FBXW7: variants seen among roughly 807,000 people sequenced by gnomAD.
FBXW7 encodes F-box/WD repeat-containing protein 7.
FBXW7 carries 11 observed loss-of-function variants against 86.3 expected under a neutral mutation model. The observed-to-expected ratio is 0.13, with a 90% CI of 0.08 to 0.21. The LOEUF is 0.21. Ranked by LOEUF, FBXW7 falls within the 10% of genes least tolerant of loss-of-function variation. The pLI is 1.00. For synonymous variants in FBXW7, 313 were observed against 297.9 expected (o/e 1.05, Z -0.52); for missense variants, 488 against 847.4 (o/e 0.58, Z 5.27).
chr4:152,343,419 T>C (rs1730931785), intron 6 of FBXW7, among the ~76,000 whole-genome samples: 1 of 152,164 alleles, frequency 6.6e-6, no homozygotes, highest in South Asian at 2.1e-4. Context: ...TATTTCCAAG[T>C]ATAACTTTAA....
intron 2 of FBXW7, among the ~76,000 whole-genome samples, chr4:152,435,860 T>C (rs1408274711): frequency 3.3e-5 from 5 of 152,216 alleles, no homozygotes; most frequent in East Asian, 3.8e-4. Context: ...TTGCAGTATT[T>C]CAAACTTTTT....
chr4:152,491,896 A>G (rs1235527714), intron 2 of FBXW7, among the ~76,000 whole-genome samples: 1 of 152,146 alleles, frequency 6.6e-6, no homozygotes, highest in African/African-American at 2.4e-5. Context: ...AAACTTGTTT[A>G]TTTTATCTAA....
chr4:152,341,020 T>G (rs1257293162), intron 6 of FBXW7, among the ~76,000 whole-genome samples: 1 of 152,174 alleles, frequency 6.6e-6, no homozygotes, highest in Non-Finnish European at 1.5e-5. Flanking sequence ...ATATCCACAA[T>G]CTGACTATTA....
chr4:152,419,282 A>G (rs747204441), intron 2 of FBXW7, among the ~76,000 whole-genome samples: 18 of 152,152 alleles, frequency 1.2e-4, no homozygotes, highest in Non-Finnish European at 2.5e-4. Flanking sequence ...AAAATGTATT[A>G]CATTTCTTAT....
intron 2 of FBXW7, among the ~76,000 whole-genome samples, chr4:152,469,526 A>C (rs1743760950): frequency 6.6e-6 from 1 of 152,244 alleles, no homozygotes; most frequent in Admixed American, 6.5e-5. Context: ...TATTTGGTTC[A>C]TGTTGGCATG....
chr4:152,419,796 G>A (rs1327106957), intron 2 of FBXW7, among the ~76,000 whole-genome samples: 1 of 152,076 alleles, frequency 6.6e-6, no homozygotes, highest in East Asian at 1.9e-4. Flanking sequence ...TATTAAGTGT[G>A]TAATAGCATT....
intron 2 of FBXW7, among the ~76,000 whole-genome samples, chr4:152,492,792 T>C (rs1042219780): frequency 3.3e-5 from 5 of 151,980 alleles, no homozygotes; most frequent in African/African-American, 1.2e-4. Context: ...TAACAAAGAA[T>C]AGTAAGGCTA....
At chr4:152,470,881 C>A (rs1282178213) in intron 2 of FBXW7, among the ~76,000 whole-genome samples, 1 of 151,982 alleles carries the variant, frequency 6.6e-6, no homozygotes, top group African/African-American at 2.4e-5. Context: ...TTTTAAACTA[C>A]CAGTATGACT....
chr4:152,390,024 A>G (rs1478165448), intron 4 of FBXW7, among the ~76,000 whole-genome samples: 1 of 152,028 alleles, frequency 6.6e-6, no homozygotes, highest in African/African-American at 2.4e-5. Flanking sequence ...ATTTTTAAAA[A>G]AATTTTTAAA....
At chr4:152,519,739 G>A (rs145531907) in intron 2 of FBXW7, among the ~76,000 whole-genome samples, 1 of 152,128 alleles carries the variant, frequency 6.6e-6, no homozygotes, top group Non-Finnish European at 1.5e-5. Context: ...CCTTCCAATA[G>A]GATGATTTTC....
chr4:152,511,737 T>G (rs1230097694), intron 2 of FBXW7, among the ~76,000 whole-genome samples: 3 of 152,150 alleles, frequency 2.0e-5, no homozygotes, highest in African/African-American at 7.2e-5. Flanking sequence ...TTAAAAGACC[T>G]CTAAGATCTA....
rs185892035 is a variant in FBXW7 at position 152,346,988 on chromosome 4, C to T, written c.668G>A (p.Arg223His). Residue 223 changes from arginine (R) to histidine (H), a missense_variant, in exon 6 of 14, where the codon CGC (arginine) becomes CAC (histidine). Physicochemically the swap from Arg to His is conservative, Grantham distance 29 (BLOSUM62 0). Transcript: ENST00000281708. ...RAANGQGQQR[R>H]RITSVQPPTG... ...AGGTGGCTGGACAGATGTAATTCGG[C>T]GTCGTTGTTGCCCTTGGCCATTGGC... 9.3e-6 allele frequency: 15 copies of T among 1,612,942 alleles called. No homozygotes were observed. Among genetic ancestry groups the T allele is most frequent in the African/African-American group, 1.3e-5 (1 of 74,664 alleles).
intron 12 of FBXW7, chr4:152,324,707 C>T: frequency 3.4e-6 from 1 of 293,986 alleles, no homozygotes; most frequent in Non-Finnish European, 6.5e-6. Flanking sequence ...TCATCTGGCC[C>T]CACCTAGCTA....
At chr4:152,353,937 C>T (rs1047215530) in intron 4 of FBXW7, among the ~76,000 whole-genome samples, 9 of 152,016 alleles carry the variant, frequency 5.9e-5, no homozygotes, top group African/African-American at 2.2e-4. Context: ...TACCACTATT[C>T]GAAGTAAGTT....
chr4:152,375,547 G>A (rs557362740), intron 4 of FBXW7, among the ~76,000 whole-genome samples: 5 of 152,022 alleles, frequency 3.3e-5, no homozygotes, highest in African/African-American at 9.6e-5. Context: ...CACTATGAGC[G>A]ACAAATAATT....
chr4:152,521,610 T>G (rs1749019111), intron 2 of FBXW7, among the ~76,000 whole-genome samples: 1 of 152,052 alleles, frequency 6.6e-6, no homozygotes, highest in South Asian at 2.1e-4. Flanking sequence ...AATTCCATCC[T>G]TAGGGTATTA....
intron 4 of FBXW7, among the ~76,000 whole-genome samples, chr4:152,372,656 T>A (rs1256566077): frequency 6.6e-6 from 1 of 151,968 alleles, no homozygotes; most frequent in Non-Finnish European, 1.5e-5. Flanking sequence ...AGTTCCAAGT[T>A]TATTTTTAGC....
At chr4:152,507,832 G>T (rs1747564950) in intron 2 of FBXW7, among the ~76,000 whole-genome samples, 1 of 151,910 alleles carries the variant, frequency 6.6e-6, no homozygotes, top group Admixed American at 6.6e-5. Flanking sequence ...TGGGAGGACT[G>T]CTTGAGGCCA....
intron 2 of FBXW7, among the ~76,000 whole-genome samples, chr4:152,424,895 C>T (rs571785690): frequency 6.6e-6 from 1 of 152,326 alleles, no homozygotes; most frequent in Admixed American, 6.5e-5. Context: ...CGTTCACTTG[C>T]TTTGCAGATC....
Sources: gnomAD v4.1 joint callset for allele counts (sites outside exome capture counted in the v4.1 genomes callset) on GRCh38, gnomAD v4.1.1 for gene constraint, MANE v1.5 for transcripts, NCBI Gene and HGNC (gene_info 2026-07-23, HGNC 2026-07-21) for gene names.